TRHR: variants seen among roughly 807,000 people sequenced by gnomAD.
TRHR encodes thyrotropin releasing hormone receptor, also known as thyrotropin-releasing hormone receptor.
TRHR carries 14 observed loss-of-function variants against 28.0 expected under a neutral mutation model. That is an observed-to-expected ratio of 0.50 (90% CI 0.33 to 0.78). The LOEUF (loss-of-function observed/expected upper bound fraction) is 0.78. Ranked by LOEUF, TRHR falls within the 30% of genes least tolerant of loss-of-function variation. The probability of loss-of-function intolerance (pLI) is 0.02; values close to 1 mark genes in which losing one functional copy is unlikely to be tolerated. For missense variants in TRHR, 438 were observed against 469.5 expected (o/e 0.93, Z 0.62); for synonymous variants, 176 against 171.9 (o/e 1.02, Z -0.18).
intron 2 of TRHR, among the ~76,000 whole-genome samples, chr8:109,105,999 G>A (rs1489764332): frequency 6.6e-6 from 1 of 152,066 alleles, no homozygotes; most frequent in East Asian, 1.9e-4. Context: ...GATAATTGCT[G>A]AAAAGATAAA....
intron 1 of TRHR, 112 bp downstream of exon 1, chr8:109,086,995 A>C (rs188520602): frequency 1.9e-4 from 32 of 164,836 alleles, no homozygotes; most frequent in Non-Finnish European, 1.5e-4. Context: ...TGAGAGCAAA[A>C]GAGGCAACAG....
At position 109,087,904 on chromosome 8, in the gene TRHR, T is replaced by C. The variant is rs771222349; in HGVS notation, c.392T>C (p.Ile131Thr). The part of the protein sequence containing the change: ...IERYIAICHP[I>T]KAQFLCTFSR... Reference sequence around the variant, plus strand: ...AGGTACATAGCAATCTGTCACCCCATCAAAGCCCAGTTTCTCTGCACATTT... The same window carrying C: ...AGGTACATAGCAATCTGTCACCCCACCAAAGCCCAGTTTCTCTGCACATTT... The change falls in exon 2 of 3, where the codon ATC (isoleucine) becomes ACC (threonine). Residue 131 changes from isoleucine to threonine, a missense_variant. Physicochemically the swap from Ile to Thr is moderately conservative, Grantham distance 89. Coordinates refer to ENST00000518632, the MANE Select transcript of TRHR (RefSeq NM_003301.7). 18 of 1,614,084 alleles carry C rather than the reference T, an allele frequency of 1.1e-5. No homozygotes were observed. The highest frequency in any genetic ancestry group is 1.3e-5 in the African/African-American group (1 of 74,940).
intron 2 of TRHR, 73 bp downstream of exon 2, chr8:109,088,374 T>A: frequency 6.5e-7 from 1 of 1,541,168 alleles, no homozygotes; most frequent in Non-Finnish European, 8.9e-7. Flanking sequence ...GAAACAACTT[T>A]TCCCTGTTTA....
intron 2 of TRHR, among the ~76,000 whole-genome samples, chr8:109,110,382 G>A (rs1811812769): frequency 1.3e-5 from 2 of 151,380 alleles, no homozygotes; most frequent in Admixed American, 6.6e-5. Context: ...TAACTTGTCT[G>A]TGAGAAAAAC....
At chr8:109,107,717 A>G (rs1201615505) in intron 2 of TRHR, among the ~76,000 whole-genome samples, 1 of 152,154 alleles carries the variant, frequency 6.6e-6, no homozygotes, top group Non-Finnish European at 1.5e-5. Flanking sequence ...CCTCTTATCA[A>G]GGATGCAGAT....
chr8:109,099,157 A>C (rs1811640451), intron 2 of TRHR, among the ~76,000 whole-genome samples: 1 of 152,220 alleles, frequency 6.6e-6, no homozygotes, highest in South Asian at 2.1e-4. Flanking sequence ...ACAGAGAGAC[A>C]TCAAGAGGAG....
intron 2 of TRHR, among the ~76,000 whole-genome samples, chr8:109,104,214 GA>G (rs1251758850): frequency 1.3e-5 from 2 of 152,060 alleles, no homozygotes; most frequent in Non-Finnish European, 2.9e-5. Flanking sequence ...CAGCTAAAGT[GA>G]CCAAACACAA....
chr8:109,088,435 T>C, intron 2 of TRHR, 134 bp downstream of exon 2: 2 of 973,260 alleles, frequency 2.1e-6, no homozygotes, highest in Non-Finnish European at 3.1e-6. Flanking sequence ...CAGTGTAAGC[T>C]TCTGCCTAAC....
At chr8:109,107,848 G>T (rs1462852270) in intron 2 of TRHR, among the ~76,000 whole-genome samples, 2 of 152,132 alleles carry the variant, frequency 1.3e-5, no homozygotes, top group African/African-American at 4.8e-5. Context: ...CACATTAAAT[G>T]CAGACATTAA....
rs5782 is a variant in TRHR, at chr8:109,120,879, T to C, written c.*1424T>C. Among the ~76,000 whole-genome samples the C allele has an allele frequency of 0.037, 5,639 of 151,634 alleles. 141 individuals carry two copies. The highest frequency in any genetic ancestry group is 0.061 in the Middle Eastern group (18 of 294). ...ATTTTTAATGAGTAGATCAAAAAAG[T>C]ACCCATACCTTTACATGCCCGTAGG... On this transcript the variant is annotated 3_prime_UTR_variant, in exon 3 of 3. Coordinates refer to ENST00000518632, the MANE Select transcript of TRHR (RefSeq NM_003301.7).
chr8:109,115,792 C>A (rs1811912942), intron 2 of TRHR, among the ~76,000 whole-genome samples: 1 of 151,992 alleles, frequency 6.6e-6, no homozygotes, highest in Admixed American at 6.6e-5. Flanking sequence ...ATTGAATACC[C>A]TTTATTTCTT....
At chr8:109,097,915 T>G (rs1279677112) in intron 2 of TRHR, among the ~76,000 whole-genome samples, 1 of 152,212 alleles carries the variant, frequency 6.6e-6, no homozygotes, top group Non-Finnish European at 1.5e-5. Flanking sequence ...TTCCTCTTTT[T>G]ATTCCTTAAA....
At position 109,119,486 on chromosome 8, in the gene TRHR, G is replaced by T; in HGVS notation, c.*31G>T. The T allele has an allele frequency of 6.2e-7, 1 of 1,607,812 alleles. No homozygotes were observed. Among genetic ancestry groups the T allele is most frequent in the Middle Eastern group, 1.7e-4 (1 of 6,042 alleles). Reference sequence around the variant, plus strand: ...GAATTAGAAGAAAATGGATGACAAAGAAAATGAGAATCTGTGCAGTCATCA... The same window carrying T: ...GAATTAGAAGAAAATGGATGACAAATAAAATGAGAATCTGTGCAGTCATCA... On this transcript the variant is annotated 3_prime_UTR_variant, in exon 3 of 3. Coordinates refer to ENST00000518632, the MANE Select transcript of TRHR (RefSeq NM_003301.7).
intron 2 of TRHR, among the ~76,000 whole-genome samples, chr8:109,108,215 C>G (rs1216191550): frequency 6.6e-6 from 1 of 152,148 alleles, no homozygotes; most frequent in Admixed American, 6.5e-5. Context: ...TCTTAAAAAT[C>G]GGGCAGCTCT....
intron 2 of TRHR, among the ~76,000 whole-genome samples, chr8:109,117,414 A>G (rs1279039845): frequency 6.6e-6 from 1 of 151,918 alleles, no homozygotes; most frequent in Admixed American, 6.6e-5. Flanking sequence ...ATTAAATAAG[A>G]TAATGTTTAT....
chr8:109,095,641 G>A (rs1476428421), intron 2 of TRHR, among the ~76,000 whole-genome samples: 1 of 152,132 alleles, frequency 6.6e-6, no homozygotes, highest in Non-Finnish European at 1.5e-5. Context: ...TGTAGCTTCA[G>A]AAAAGACATC....
chr8:109,106,407 A>C (rs780373838), intron 2 of TRHR, among the ~76,000 whole-genome samples: 1 of 152,154 alleles, frequency 6.6e-6, no homozygotes, highest in Middle Eastern at 3.2e-3. Flanking sequence ...ATCAATATTC[A>C]GTAATAGGAA....
intron 2 of TRHR, among the ~76,000 whole-genome samples, chr8:109,099,460 C>T (rs1811645380): frequency 6.6e-6 from 1 of 152,060 alleles, no homozygotes; most frequent in Admixed American, 6.6e-5. Flanking sequence ...GAAAAATGAG[C>T]CAAGGAGCAA....
intron 2 of TRHR, among the ~76,000 whole-genome samples, chr8:109,112,444 A>AC (rs1455390182): frequency 1.3e-5 from 2 of 152,206 alleles, no homozygotes; most frequent in Non-Finnish European, 2.9e-5. Context: ...CATACTATTA[A>AC]CTGGGCTGTG....
Sources: allele counts gnomAD v4.1 joint callset (sites outside exome capture counted in the v4.1 genomes callset), GRCh38; gene constraint gnomAD v4.1.1; transcripts MANE v1.5; gene names NCBI Gene and HGNC (gene_info 2026-07-23, HGNC 2026-07-21).